The following GPM6A variants were observed in gnomAD, a reference collection of about 807,000 sequenced individuals.
GPM6A encodes the protein neuronal membrane glycoprotein M6-a.
A neutral mutation model predicts 32.1 loss-of-function variants in GPM6A; 7 were observed. The observed-to-expected ratio is 0.22, with a 90% confidence interval of 0.12 to 0.41. The LOEUF is 0.41. Among genes scored for constraint, GPM6A ranks in the 10% least tolerant of loss-of-function variants. The pLI is 1.00. For synonymous variants in GPM6A, 130 were observed against 123.4 expected (o/e 1.05, Z -0.35); for missense variants, 235 against 347.2 (o/e 0.68, Z 2.57).
In GPM6A at chr4:175,943,563, T is replaced by C. The variant is rs567881856; in HGVS notation, c.-23+58746A>G. On this transcript the variant is annotated intron_variant, in intron 1 of 7. Transcript: ENST00000280187. The stretch of plus-strand genomic sequence containing the variant: ...TTTTGAGATACATTCCATCAGTATC[T>C]AGTTTATTCAAAGATTTTAGCATGA... 5.9e-5 allele frequency among the ~76,000 whole-genome samples: 9 copies of C among 152,318 alleles called. No individual in the cohort carries two copies. In the South Asian group the frequency reaches 1.9e-3, roughly 32 times the overall value.
intron 4 of GPM6A, among the ~76,000 whole-genome samples, chr4:175,650,066 T>G (rs1029937181): frequency 6.6e-6 from 1 of 152,118 alleles, no homozygotes; most frequent in Admixed American, 6.6e-5. Context: ...TTTTCCGATA[T>G]TTACAGGGGA....
At chr4:175,953,311 G>T (rs1739879133) in intron 1 of GPM6A, among the ~76,000 whole-genome samples, 1 of 152,066 alleles carries the variant, frequency 6.6e-6, no homozygotes, top group African/African-American at 2.4e-5. Context: ...TTTCCACAGA[G>T]AAGTAGTCTA....
intron 1 of GPM6A, among the ~76,000 whole-genome samples, chr4:175,752,336 G>A (rs1224920760): frequency 1.3e-5 from 2 of 152,088 alleles, no homozygotes; most frequent in Non-Finnish European, 2.9e-5. Flanking sequence ...ATCTAAGCCT[G>A]CTGGTGGACA....
chr4:175,741,547 G>A (rs1321621673), intron 1 of GPM6A, among the ~76,000 whole-genome samples: 1 of 151,986 alleles, frequency 6.6e-6, no homozygotes, highest in Non-Finnish European at 1.5e-5. Flanking sequence ...TCTTCCATCA[G>A]GATCTTCTGG....
intron 6 of GPM6A, 81 bp from the exon 7 acceptor site, chr4:175,635,138 G>T: frequency 1.0e-6 from 1 of 987,416 alleles, no homozygotes; most frequent in South Asian, 1.4e-5. Flanking sequence ...AGAAGTCTTC[G>T]AATTATAGCT....
intron 1 of GPM6A, among the ~76,000 whole-genome samples, chr4:175,904,630 G>A (rs1738073340): frequency 6.6e-6 from 1 of 152,072 alleles, no homozygotes; most frequent in Non-Finnish European, 1.5e-5. Context: ...AGATTTTTTG[G>A]TTTATTATAT....
intron 1 of GPM6A, among the ~76,000 whole-genome samples, chr4:175,736,816 T>C (rs1387349338): frequency 6.6e-6 from 1 of 152,234 alleles, no homozygotes; most frequent in Non-Finnish European, 1.5e-5. Context: ...ACAGCATATA[T>C]GACTGTGGAT....
chr4:175,857,968 A>G (rs1736465123), intron 1 of GPM6A, among the ~76,000 whole-genome samples: 1 of 152,002 alleles, frequency 6.6e-6, no homozygotes, highest in African/African-American at 2.4e-5. Context: ...TTATAATAGC[A>G]TCAAAAAACT....
At chr4:175,876,050 C>CT (rs1737074872) in intron 1 of GPM6A, among the ~76,000 whole-genome samples, 1 of 152,170 alleles carries the variant, frequency 6.6e-6, no homozygotes, top group African/African-American at 2.4e-5. Flanking sequence ...GTCAGATAAC[C>CT]TTTTTTGTCA....
chr4:175,645,188 T>A (rs1484432475), intron 4 of GPM6A, among the ~76,000 whole-genome samples: 1 of 152,168 alleles, frequency 6.6e-6, no homozygotes, highest in African/African-American at 2.4e-5. Context: ...GAGGACTTGA[T>A]GCATGAAAGT....
chr4:175,843,993 C>A (rs1388137662), intron 1 of GPM6A, among the ~76,000 whole-genome samples: 1 of 152,146 alleles, frequency 6.6e-6, no homozygotes, highest in African/African-American at 2.4e-5. Flanking sequence ...TCATCCCCCA[C>A]CTTTGATACA....
intron 1 of GPM6A, among the ~76,000 whole-genome samples, chr4:175,799,114 T>G (rs2111297666): frequency 6.6e-6 from 1 of 152,280 alleles, no homozygotes; most frequent in Non-Finnish European, 1.5e-5. Flanking sequence ...CATTGTTCTT[T>G]CCCAACGTGG....
At chr4:175,896,780 T>C (rs1391964977) in intron 1 of GPM6A, among the ~76,000 whole-genome samples, 1 of 152,124 alleles carries the variant, frequency 6.6e-6, no homozygotes, top group Non-Finnish European at 1.5e-5. Flanking sequence ...TAAAGCAACT[T>C]GCCATCACAT....
chr4:175,851,387 A>T (rs551207416), intron 1 of GPM6A, among the ~76,000 whole-genome samples: 22 of 150,160 alleles, frequency 1.5e-4, no homozygotes, highest in South Asian at 4.3e-4. Flanking sequence ...CTGGAGGCTG[A>T]GGGAGGAGAA....
At chr4:175,842,843 T>C (rs1197599526) in intron 1 of GPM6A, among the ~76,000 whole-genome samples, 5 of 152,104 alleles carry the variant, frequency 3.3e-5, no homozygotes, top group Admixed American at 6.6e-5. Context: ...TATACTTTAA[T>C]ATGAATTGAA....
chr4:175,692,173 C>T lies in GPM6A; in HGVS notation c.230+9402G>A, dbSNP rs964637821. 2.0e-5 allele frequency among the ~76,000 whole-genome samples: 3 copies of T among 152,098 alleles called. No individual in the cohort carries two copies. In the East Asian group the frequency reaches 5.8e-4, roughly 29 times the overall value. On this transcript the variant is annotated intron_variant, in intron 2 of 6. Transcript: ENST00000393658. ...TTGCAGCAGCAATGGTAAGCTAGAA[C>T]TTGTTATTAAAAACAGCATGGCAAT...
At chr4:175,874,709 G>A (rs1280071153) in intron 1 of GPM6A, among the ~76,000 whole-genome samples, 1 of 152,100 alleles carries the variant, frequency 6.6e-6, no homozygotes, top group Non-Finnish European at 1.5e-5. Context: ...GAAAGGAAGT[G>A]TATGAGATAT....
At chr4:175,679,117 T>A (rs539196121) in intron 2 of GPM6A, among the ~76,000 whole-genome samples, 1 of 152,130 alleles carries the variant, frequency 6.6e-6, no homozygotes, top group Admixed American at 6.6e-5. Flanking sequence ...CCGGAGCCAA[T>A]CTAGGGGCTA....
intron 1 of GPM6A, among the ~76,000 whole-genome samples, chr4:175,921,349 TCTTATACACTCTGTATG>T (rs1738658471): frequency 6.6e-6 from 1 of 152,206 alleles, no homozygotes; most frequent in Non-Finnish European, 1.5e-5. Context: ...TGGCTTTGCT[TCTTATACACTCTGTATG>T]CACTTTTTCC....
Sources: allele counts gnomAD v4.1 joint callset (sites outside exome capture counted in the v4.1 genomes callset), GRCh38; gene constraint gnomAD v4.1.1; transcripts MANE v1.5; gene names NCBI Gene and HGNC (gene_info 2026-07-23, HGNC 2026-07-21).